Variants in GRID2 observed in about 807,000 individuals in gnomAD.
GRID2 encodes the protein glutamate ionotropic receptor delta type subunit 2.
In GRID2, 33 loss-of-function variants were observed where a neutral mutation model predicts 114.8. That is an observed-to-expected ratio of 0.29 (90% CI 0.22 to 0.38). The LOEUF is 0.38. Ranked by LOEUF, GRID2 falls within the 10% of genes least tolerant of loss-of-function variation. The probability of loss-of-function intolerance (pLI) is 1.00; values close to 1 mark genes in which losing one functional copy is unlikely to be tolerated. For synonymous variants in GRID2, 505 were observed against 449.9 expected (o/e 1.12, Z -1.55); for missense variants, 1,184 against 1,257.7 (o/e 0.94, Z 0.89).
intron 2 of GRID2, among the ~76,000 whole-genome samples, chr4:93,038,137 G>A (rs1349616767): frequency 6.6e-6 from 1 of 152,096 alleles, no homozygotes; most frequent in Non-Finnish European, 1.5e-5. Flanking sequence ...ACTTCCTTGA[G>A]CAGTGGTTTG....
In GRID2 at chr4:93,217,358, A is replaced by C. The variant is rs146025131; in HGVS notation, c.963+447A>C. 8.8e-3 allele frequency: 1,369 copies of C among 155,212 alleles called. 21 individuals are homozygous for C. The highest frequency in any genetic ancestry group is 0.031 in the African/African-American group (1,299 of 41,566). 9.6% of individuals were successfully genotyped at this position (155,212 alleles called of 1,614,324 possible). ...ATTAGATATGAAAAAAGTGCTGTAG[A>C]ATTGTATGGTCATATCCAACTCCGA... On this transcript the variant is annotated intron_variant, in intron 6 of 15. Coordinates refer to ENST00000282020, the MANE Select transcript of GRID2 (RefSeq NM_001510.4).
At chr4:92,570,562 T>C (rs1456154929) in intron 1 of GRID2, among the ~76,000 whole-genome samples, 1 of 152,134 alleles carries the variant, frequency 6.6e-6, no homozygotes, top group African/African-American at 2.4e-5. Flanking sequence ...GTCATTTTCA[T>C]GATATTAATT....
intron 1 of GRID2, among the ~76,000 whole-genome samples, chr4:92,560,460 A>G (rs914241113): frequency 2.0e-5 from 3 of 152,170 alleles, no homozygotes; most frequent in Admixed American, 2.0e-4. Context: ...AGCCCACATC[A>G]TGAATGTTAA....
intron 1 of GRID2, among the ~76,000 whole-genome samples, chr4:92,488,802 A>G (rs1330569340): frequency 6.6e-6 from 1 of 152,060 alleles, no homozygotes; most frequent in Non-Finnish European, 1.5e-5. Flanking sequence ...AGACCAGGAA[A>G]CTCCCATCTG....
intron 1 of GRID2, among the ~76,000 whole-genome samples, chr4:92,469,772 T>C (rs185030776): frequency 1.4e-3 from 218 of 151,848 alleles, no homozygotes; most frequent in Non-Finnish European, 2.6e-3. Context: ...TTTTTTTTTC[T>C]TAAAGGTATG....
chr4:93,233,530 A>G, intron 7 of GRID2, among the ~76,000 whole-genome samples: 1 of 151,658 alleles, frequency 6.6e-6, no homozygotes, highest in East Asian at 2.0e-4. Flanking sequence ...TTTAGTAGAG[A>G]CAGGGTTTCA....
At chr4:93,448,252 AAGG>A (rs888306767) in intron 10 of GRID2, among the ~76,000 whole-genome samples, 1 of 152,006 alleles carries the variant, frequency 6.6e-6, no homozygotes, top group Admixed American at 6.6e-5. Context: ...ACTGGAAAAA[AAGG>A]AGTAAAAGCA....
intron 1 of GRID2, among the ~76,000 whole-genome samples, chr4:92,517,650 C>T (rs973192513): frequency 5.9e-5 from 9 of 151,828 alleles, no homozygotes; most frequent in African/African-American, 1.7e-4. Context: ...AAGACTGTGC[C>T]TTCAGTCAGC....
chr4:92,835,298 A>G lies in GRID2; in HGVS notation c.244+245012A>G, dbSNP rs567836411. Reference sequence around the variant, plus strand: ...GGAAGATAATCTAAGCATTCTATGCATACATTAATTATTTTTGGAGGCTGC... The same window carrying G: ...GGAAGATAATCTAAGCATTCTATGCGTACATTAATTATTTTTGGAGGCTGC... On this transcript the variant is annotated intron_variant, in intron 2 of 15. Coordinates refer to ENST00000282020, the MANE Select transcript of GRID2 (RefSeq NM_001510.4). 1.3e-3 allele frequency among the ~76,000 whole-genome samples: 205 copies of G among 152,296 alleles called. 1 individual carries two copies. The highest frequency in any genetic ancestry group is 4.6e-3 in the African/African-American group (192 of 41,576).
At chr4:92,608,245 A>G (rs920484755) in intron 2 of GRID2, among the ~76,000 whole-genome samples, 1 of 151,864 alleles carries the variant, frequency 6.6e-6, no homozygotes, top group African/African-American at 2.4e-5. Context: ...GTGGTGCAAT[A>G]GTGAATTCAG....
At chr4:93,132,335 ACTTT>A (rs936118777) in intron 4 of GRID2, among the ~76,000 whole-genome samples, 3 of 152,228 alleles carry the variant, frequency 2.0e-5, no homozygotes, top group African/African-American at 7.2e-5. Context: ...AGCATGAAAC[ACTTT>A]CTTTTTATGG....
At chr4:93,354,023 G>GCA (rs72026131) in intron 8 of GRID2, among the ~76,000 whole-genome samples, 1,371 of 100,182 alleles carry the variant, frequency 0.014, 7 homozygotes, top group African/African-American at 0.033. Context: ...GCACACACAT[G>GCA]CACACACACA....
At chr4:92,704,583 T>C (rs924861150) in intron 2 of GRID2, among the ~76,000 whole-genome samples, 3 of 152,194 alleles carry the variant, frequency 2.0e-5, no homozygotes, top group African/African-American at 7.2e-5. Context: ...TTTAAAATTA[T>C]CATAGAATGG....
At chr4:92,353,188 T>C (rs1382706082) in intron 1 of GRID2, among the ~76,000 whole-genome samples, 1 of 151,866 alleles carries the variant, frequency 6.6e-6, no homozygotes, top group Admixed American at 6.6e-5. Context: ...ATAATTTTTA[T>C]CTCTTTACTT....
At chr4:93,378,387 A>T (rs1001733438) in intron 8 of GRID2, among the ~76,000 whole-genome samples, 2 of 152,076 alleles carry the variant, frequency 1.3e-5, no homozygotes, top group African/African-American at 4.8e-5. Context: ...ACCTTGTTAA[A>T]TCTATATCCT....
chr4:92,636,164 G>A (rs62309166), intron 2 of GRID2, among the ~76,000 whole-genome samples: 3 of 151,788 alleles, frequency 2.0e-5, no homozygotes, highest in African/African-American at 4.8e-5. Flanking sequence ...TGGGCCTGCC[G>A]AGTCCTGCTT....
At chr4:93,149,419 C>CA (rs901742081) in intron 4 of GRID2, among the ~76,000 whole-genome samples, 1 of 151,722 alleles carries the variant, frequency 6.6e-6, no homozygotes, top group African/African-American at 2.4e-5. Flanking sequence ...AGTGAAAATA[C>CA]AAAAAAATTA....
intron 13 of GRID2, among the ~76,000 whole-genome samples, chr4:93,616,782 G>A (rs945291633): frequency 6.6e-5 from 10 of 151,580 alleles, no homozygotes; most frequent in African/African-American, 2.2e-4. Flanking sequence ...AAATCAGTGA[G>A]GCGATCGAGA....
rs141831139 is a variant in GRID2 at position 93,163,375 on chromosome 4, TATATATATATATATATATATATATAC to T, written c.736-44027_736-44002del. Among the ~76,000 whole-genome samples the T allele has an allele frequency of 2.0e-3, 167 of 83,144 alleles. 4 individuals are homozygous for T. The highest frequency in any genetic ancestry group is 2.4e-3 in the Non-Finnish European group (98 of 41,294). 54.5% of individuals were successfully genotyped at this position (83,144 alleles called of 152,430 possible). A position where few individuals can be genotyped will look rare whatever the true frequency, so the allele number is the denominator to read the frequency against. ...TTTTGTGTATATATATATATATATA[TATATATATATATATATATATATATAC>T]ACTATATATATACATACATGTATAT... On this transcript the variant is annotated intron_variant, in intron 4 of 15. Coordinates refer to ENST00000282020, the MANE Select transcript of GRID2 (RefSeq NM_001510.4).
Sources: gnomAD v4.1 joint callset for allele counts (sites outside exome capture counted in the v4.1 genomes callset) on GRCh38, gnomAD v4.1.1 for gene constraint, MANE v1.5 for transcripts, NCBI Gene and HGNC (gene_info 2026-07-23, HGNC 2026-07-21) for gene names.